Variants in TRIM2 observed in about 807,000 individuals in gnomAD.
TRIM2 encodes the protein tripartite motif containing 2.
A neutral mutation model predicts 75.2 loss-of-function variants in TRIM2; 20 were observed. That is an observed-to-expected ratio of 0.27 (90% CI 0.19 to 0.39). The LOEUF (loss-of-function observed/expected upper bound fraction) is 0.39. TRIM2 is among the 10% of genes least tolerant of loss of function. TRIM2 has a pLI of 1.00. For missense variants in TRIM2, 660 were observed against 990.8 expected (o/e 0.67, Z 4.48); for synonymous variants, 373 against 388.3 (o/e 0.96, Z 0.46).
intron 8 of TRIM2, 69 bp downstream of exon 8, chr4:153,316,068 A>G (rs1284468884): frequency 2.1e-6 from 3 of 1,433,930 alleles, no homozygotes; most frequent in East Asian, 4.8e-5. Flanking sequence ...ATGAAATTGC[A>G]TATTTCTTTT....
chr4:153,154,992 T>C (rs1242977167), intron 1 of TRIM2, among the ~76,000 whole-genome samples: 1 of 151,906 alleles, frequency 6.6e-6, no homozygotes, highest in Non-Finnish European at 1.5e-5. Flanking sequence ...ATACAAAAAA[T>C]AGCCAGGCGT....
At chr4:153,158,364 T>G (rs934941865) in intron 1 of TRIM2, among the ~76,000 whole-genome samples, 2 of 152,246 alleles carry the variant, frequency 1.3e-5, no homozygotes, top group South Asian at 4.1e-4. Context: ...AATTGGTTTG[T>G]AAAAACAATT....
chr4:153,225,152 G>A (rs1299717233), intron 1 of TRIM2, among the ~76,000 whole-genome samples: 1 of 152,084 alleles, frequency 6.6e-6, no homozygotes, highest in African/African-American at 2.4e-5. Context: ...TGAAATCCTG[G>A]TGCAATAACA....
At position 153,303,336 on chromosome 4, in the gene TRIM2, G is replaced by C. The variant is rs1236550684; in HGVS notation, c.1510+7300G>C. Among the ~76,000 whole-genome samples, 6 of 151,850 alleles carry C rather than the reference G, an allele frequency of 4.0e-5. No homozygotes were observed. In the South Asian group the frequency reaches 6.2e-4, roughly 16 times the overall value. ...AAATATATAAAAATCAGCCAGGCATGGTGGCACGCACCTGTAATCCCAGCT... is the reference window on the plus strand; with the variant it reads ...AAATATATAAAAATCAGCCAGGCATCGTGGCACGCACCTGTAATCCCAGCT... On this transcript the variant is annotated intron_variant, in intron 6 of 11. Coordinates refer to ENST00000338700, the MANE Select transcript of TRIM2 (RefSeq NM_015271.5).
chr4:153,217,937 C>A (rs1214132478), intron 1 of TRIM2, among the ~76,000 whole-genome samples: 1 of 152,120 alleles, frequency 6.6e-6, no homozygotes, highest in African/African-American at 2.4e-5. Flanking sequence ...TTCAACATCA[C>A]CAATGATCCC....
intron 6 of TRIM2, chr4:153,307,722 TGGGGAGCAC>T: frequency 1.7e-6 from 1 of 594,084 alleles, no homozygotes. Flanking sequence ...GCTGGAAGCA[TGGGGAGCAC>T]CATTTCTGGA....
At chr4:153,311,235 C>G (rs1488629792) in intron 6 of TRIM2, among the ~76,000 whole-genome samples, 1 of 152,156 alleles carries the variant, frequency 6.6e-6, no homozygotes. Context: ...AGTGTTAGTA[C>G]TTTTTCCTCA....
chr4:153,277,089 C>A (rs538474042), intron 3 of TRIM2, among the ~76,000 whole-genome samples: 3 of 152,298 alleles, frequency 2.0e-5, no homozygotes, highest in South Asian at 4.1e-4. Flanking sequence ...CAAAGCAATT[C>A]TTATTAGCCA....
intron 1 of TRIM2, among the ~76,000 whole-genome samples, chr4:153,242,746 G>A (rs1275348537): frequency 6.6e-6 from 1 of 152,256 alleles, no homozygotes; most frequent in Non-Finnish European, 1.5e-5. Flanking sequence ...GTAAAGAGAG[G>A]ACGCTGGGGC....
chr4:153,222,034 GAAA>G (rs1740603198), intron 1 of TRIM2, among the ~76,000 whole-genome samples: 1 of 28,700 alleles, frequency 3.5e-5, no homozygotes, highest in Non-Finnish European at 7.1e-5. Flanking sequence ...AGGAAGGAAG[GAAA>G]GAGCGAGGAA....
intron 10 of TRIM2, 112 bp from the exon 11 acceptor site, chr4:153,328,418 A>T: frequency 1.0e-6 from 1 of 990,732 alleles, no homozygotes; most frequent in Non-Finnish European, 1.4e-6. Context: ...AGAATGTCTT[A>T]AATGATAAGT....
At chr4:153,196,639 G>A (rs1733811188) in intron 1 of TRIM2, among the ~76,000 whole-genome samples, 1 of 152,080 alleles carries the variant, frequency 6.6e-6, no homozygotes, top group Non-Finnish European at 1.5e-5. Flanking sequence ...ACTTTCCAAG[G>A]GGTGGCTCTC....
intron 1 of TRIM2, among the ~76,000 whole-genome samples, chr4:153,177,690 G>C (rs956032102): frequency 6.8e-5 from 10 of 146,134 alleles, no homozygotes; most frequent in Non-Finnish European, 1.5e-4. Context: ...AAGAAAGGGA[G>C]AATGGATGGT....
Position 153,322,711 on chromosome 4 carries a change from A to G in TRIM2, c.1846A>G (p.Ile616Val), listed in dbSNP as rs1561013892. 1 of 1,614,238 alleles carries G rather than the reference A, an allele frequency of 6.2e-7. No individual in the cohort carries two copies. Among genetic ancestry groups the G allele is most frequent in the Non-Finnish European group, 8.5e-7 (1 of 1,180,042 alleles). ...AGTTTCTGTGGACCGCAATGGGCAC[A>G]TTATTGTTGTGGACAACAAGGCGTG... ...KGVSVDRNGH[I>V]IVVDNKACCV... The change falls in exon 9 of 12, where the codon ATT (isoleucine) becomes GTT (valine). Residue 616 changes from isoleucine (I) to valine (V), a missense_variant. This residue lies in a region of TRIM2 where 620 missense variants were observed against 891.0 expected (regional missense o/e 0.70). Coordinates refer to ENST00000338700, the MANE Select transcript of TRIM2 (RefSeq NM_015271.5).
At chr4:153,172,087 G>C (rs1288009054) in intron 1 of TRIM2, among the ~76,000 whole-genome samples, 1 of 150,892 alleles carries the variant, frequency 6.6e-6, no homozygotes. Context: ...CAGTGTATTT[G>C]GTTATGTCTC....
At chr4:153,321,931 G>A (rs1322377016) in intron 8 of TRIM2, among the ~76,000 whole-genome samples, 4 of 152,100 alleles carry the variant, frequency 2.6e-5, no homozygotes, top group Non-Finnish European at 5.9e-5. Flanking sequence ...GGAATCTGAA[G>A]TTTAAGGAAA....
At chr4:153,298,126 G>A (rs189167903) in intron 6 of TRIM2, among the ~76,000 whole-genome samples, 1 of 152,314 alleles carries the variant, frequency 6.6e-6, no homozygotes, top group East Asian at 1.9e-4. Context: ...TGCAGCCATA[G>A]TGATGTATTG....
intron 6 of TRIM2, among the ~76,000 whole-genome samples, chr4:153,298,936 G>A (rs1252593520): frequency 2.0e-5 from 3 of 151,656 alleles, no homozygotes; most frequent in African/African-American, 7.3e-5. Flanking sequence ...GTTGGGTCTC[G>A]CCATGTTGCC....
intron 6 of TRIM2, among the ~76,000 whole-genome samples, chr4:153,297,061 A>G (rs1233516174): frequency 1.3e-5 from 2 of 152,204 alleles, no homozygotes; most frequent in Non-Finnish European, 2.9e-5. Context: ...CAGGAGAGGG[A>G]TAGATAACAG....
Sources: allele counts gnomAD v4.1 joint callset (sites outside exome capture counted in the v4.1 genomes callset), GRCh38; gene constraint gnomAD v4.1.1; regional missense constraint gnomAD v4.1.1; transcripts MANE v1.5; gene names NCBI Gene and HGNC (gene_info 2026-07-23, HGNC 2026-07-21).